IPO11: variants seen among roughly 807,000 people sequenced by gnomAD.
IPO11 encodes importin 11, also known as importin-11.
In IPO11, 66 loss-of-function variants were observed where a neutral mutation model predicts 143.2. That is an observed-to-expected ratio of 0.46 (90% confidence interval 0.38 to 0.57). IPO11 has a LOEUF of 0.57. Ranked by LOEUF, IPO11 falls within the 20% of genes least tolerant of loss-of-function variation. The pLI, the probability that IPO11 is intolerant of heterozygous loss-of-function variation, is 0.00. For missense variants in IPO11, 1,026 were observed against 1,141.0 expected (o/e 0.90, Z 1.45); for synonymous variants, 385 against 377.8 (o/e 1.02, Z -0.22).
chr5:62,414,459 CCTTT>C (rs574076050), intron 1 of IPO11, among the ~76,000 whole-genome samples: 47 of 152,012 alleles, frequency 3.1e-4, no homozygotes, highest in East Asian at 2.3e-3. Flanking sequence ...AATATTTTTT[CCTTT>C]CTTTATCAGC....
intron 26 of IPO11, among the ~76,000 whole-genome samples, chr5:62,556,913 T>A (rs1300107979): frequency 6.6e-6 from 1 of 152,218 alleles, no homozygotes; most frequent in Non-Finnish European, 1.5e-5. Flanking sequence ...TTTGATTGTT[T>A]GTTTTGTGGC....
chr5:62,442,988 T>C lies in IPO11; in HGVS notation c.144T>C (p.Ile48=). ...ATTATGTTTTTTATTTATAGAATAT[T>C]TTCACCAACCACACTTTGGATATAA... ...QPGFYSVLLN[I]FTNHTLDINV... is the part of the protein sequence containing the mutation. Residue 48 remains isoleucine, a synonymous_variant, in exon 3 of 30, where the codon ATT becomes ATC. Coordinates refer to ENST00000325324, the MANE Select transcript of IPO11 (RefSeq NM_016338.5). The C allele has an allele frequency of 6.3e-7, 1 of 1,582,922 alleles. No individual in the cohort carries two copies. Among genetic ancestry groups the C allele is most frequent in the Non-Finnish European group, 8.6e-7 (1 of 1,159,868 alleles).
intron 4 of IPO11, 35 bp downstream of exon 4, chr5:62,450,034 T>C: frequency 7.3e-7 from 1 of 1,362,682 alleles, no homozygotes; most frequent in Non-Finnish European, 1.0e-6. Context: ...TTTCTTTTTA[T>C]TTGTACTGCT....
chr5:62,501,316 GA>G (rs1233481911), intron 16 of IPO11, among the ~76,000 whole-genome samples: 1 of 152,010 alleles, frequency 6.6e-6, no homozygotes, highest in Non-Finnish European at 1.5e-5. Context: ...ATCCCAGAAT[GA>G]ATTCTGAATT....
At chr5:62,593,129 G>T (rs1211523589) in intron 28 of IPO11, among the ~76,000 whole-genome samples, 1 of 152,144 alleles carries the variant, frequency 6.6e-6, no homozygotes, top group Non-Finnish European at 1.5e-5. Flanking sequence ...CTTGTTTTGT[G>T]CAGGGCACAC....
chr5:62,526,405 T>G, intron 21 of IPO11, 148 bp downstream of exon 21: 1 of 575,688 alleles, frequency 1.7e-6, no homozygotes, highest in Non-Finnish European at 3.1e-6. Flanking sequence ...ATCTCCTTTT[T>G]TTGGCAGCTG....
In IPO11 at chr5:62,476,656, C is replaced by G. The variant is rs375636709; in HGVS notation, c.758-27C>G. ...GTCTTGGTTGTGAACTTATTAACTT[C>G]TAATATTTGAAATGTATTTTTAACA... is the stretch of plus-strand genomic sequence containing the variant. On this transcript the variant is annotated intron_variant, in intron 8 of 29. Coordinates refer to ENST00000325324, the MANE Select transcript of IPO11 (RefSeq NM_016338.5). 955 of 1,499,384 alleles carry G rather than the reference C, an allele frequency of 6.4e-4. 9 individuals carry two copies. The highest frequency in any genetic ancestry group is 3.2e-3 in the South Asian group (244 of 75,448). The allele number at this position is 1,499,384 out of a possible 1,614,324, so 92.9% of individuals were successfully genotyped here.
At chr5:62,436,496 G>T (rs190814561) in intron 1 of IPO11, among the ~76,000 whole-genome samples, 167 of 152,232 alleles carry the variant, frequency 1.1e-3, no homozygotes, top group African/African-American at 3.7e-3. Context: ...TGTATATTGT[G>T]AATAACTATA....
intron 26 of IPO11, among the ~76,000 whole-genome samples, chr5:62,560,254 G>T (rs1178242754): frequency 6.6e-6 from 1 of 152,154 alleles, no homozygotes; most frequent in East Asian, 1.9e-4. Flanking sequence ...ATTCAAGATG[G>T]AGTCATTTTT....
At chr5:62,496,767 CAT>C (rs1741172504) in intron 16 of IPO11, among the ~76,000 whole-genome samples, 1 of 152,056 alleles carries the variant, frequency 6.6e-6, no homozygotes, top group African/African-American at 2.4e-5. Flanking sequence ...TATGTGTATA[CAT>C]ATGTGTCACA....
At chr5:62,440,969 A>G (rs965182604) in intron 2 of IPO11, among the ~76,000 whole-genome samples, 1 of 152,048 alleles carries the variant, frequency 6.6e-6, no homozygotes, top group Non-Finnish European at 1.5e-5. Context: ...ATCTCAAAAA[A>G]AAAAACTTAC....
chr5:62,508,302 T>TA (rs1284645925), intron 19 of IPO11, among the ~76,000 whole-genome samples: 1 of 149,746 alleles, frequency 6.7e-6, no homozygotes, highest in African/African-American at 2.5e-5. Flanking sequence ...TGGCTAATTT[T>TA]TTTTTTTTTT....
chr5:62,601,765 T>A lies in IPO11; in HGVS notation c.2680T>A (p.Cys894Ser), dbSNP rs760736531. Residue 894 changes from cysteine to serine, a missense_variant and splice_region_variant, in exon 29 of 30, where the codon TGT becomes AGT. Coordinates refer to ENST00000325324, the MANE Select transcript of IPO11 (RefSeq NM_016338.5). ...EDPETGTYKDCMLMSHLEEPK... is the reference protein window; with the variant it reads ...EDPETGTYKDSMLMSHLEEPK... ...ATGTTTTTTAAAAAATTATTATAGC[T>A]GTATGTTGATGTCTCATCTTGAGGA... is the stretch of plus-strand genomic sequence containing the variant. 1 of 1,544,678 alleles carries A rather than the reference T, an allele frequency of 6.5e-7. No homozygotes were observed. The highest frequency in any genetic ancestry group is 1.9e-5 in the Admixed American group (1 of 52,726).
chr5:62,547,961 C>G (rs1406503738), intron 24 of IPO11, among the ~76,000 whole-genome samples: 2 of 152,080 alleles, frequency 1.3e-5, no homozygotes, highest in African/African-American at 4.8e-5. Context: ...TGCTCAGAGA[C>G]AACCACTTTT....
At chr5:62,592,325 A>G (rs1470242231) in intron 28 of IPO11, among the ~76,000 whole-genome samples, 1 of 151,946 alleles carries the variant, frequency 6.6e-6, no homozygotes, top group Non-Finnish European at 1.5e-5. Context: ...AGCCATCTCT[A>G]GCAAATGGGA....
chr5:62,494,674 G>T (rs1179834050), intron 16 of IPO11, among the ~76,000 whole-genome samples: 1 of 152,046 alleles, frequency 6.6e-6, no homozygotes, highest in African/African-American at 2.4e-5. Flanking sequence ...TACTGAAATA[G>T]TAGTAGTAAT....
rs985655428 is a variant in IPO11, at chr5:62,572,564, T to G, written c.2582+11307T>G. 1.1e-3 allele frequency among the ~76,000 whole-genome samples: 166 copies of G among 150,510 alleles called. 1 individual carries two copies. The highest frequency in any genetic ancestry group is 3.7e-3 in the African/African-American group (153 of 41,250). ...TTGTTTGTTTATTTATTTATTTATTTATTTATTTATTTATTTATTTATTTT... is the reference window on the plus strand; with the variant it reads ...TTGTTTGTTTATTTATTTATTTATTGATTTATTTATTTATTTATTTATTTT... On this transcript the variant is annotated intron_variant, in intron 27 of 29. Transcript: ENST00000325324.
intron 29 of IPO11, among the ~76,000 whole-genome samples, chr5:62,610,068 C>G (rs1398243884): frequency 6.6e-6 from 1 of 152,170 alleles, no homozygotes; most frequent in Non-Finnish European, 1.5e-5. Flanking sequence ...CAGTTGTTGG[C>G]ATCCACCGGC....
intron 10 of IPO11, among the ~76,000 whole-genome samples, chr5:62,483,640 G>A (rs1247107104): frequency 2.0e-5 from 3 of 152,030 alleles, no homozygotes; most frequent in South Asian, 2.1e-4. Context: ...TTCTAGACAG[G>A]TTAAATTGTT....
Sources: gnomAD v4.1 joint callset for allele counts (sites outside exome capture counted in the v4.1 genomes callset) on GRCh38, gnomAD v4.1.1 for gene constraint, MANE v1.5 for transcripts, NCBI Gene and HGNC (gene_info 2026-07-23, HGNC 2026-07-21) for gene names.